ELP4: variants seen among roughly 807,000 people sequenced by gnomAD.
ELP4 encodes the protein elongator complex protein 4.
ELP4 carries 51 observed loss-of-function variants against 48.9 expected under a neutral mutation model. The ratio of observed to expected loss-of-function variants is 1.04; its 90% confidence interval spans 0.83 to 1.32. The LOEUF (loss-of-function observed/expected upper bound fraction) is 1.32, where lower values mean the gene tolerates loss of function less well. Among genes scored for constraint, ELP4 ranks in the 40% most tolerant of loss-of-function variants. ELP4 has a pLI of 0.00. For synonymous variants in ELP4, 210 were observed against 189.2 expected (o/e 1.11, Z -0.90); for missense variants, 519 against 514.6 (o/e 1.01, Z -0.08).
chr11:31,675,733 T>C (rs2134114142), intron 9 of ELP4, among the ~76,000 whole-genome samples: 1 of 152,330 alleles, frequency 6.6e-6, no homozygotes, highest in African/African-American at 2.4e-5. Context: ...TCTATAGTTA[T>C]ACAATCTTTT....
At chr11:31,601,310 G>A (rs1244785856) in intron 4 of ELP4, among the ~76,000 whole-genome samples, 1 of 151,876 alleles carries the variant, frequency 6.6e-6, no homozygotes, top group African/African-American at 2.4e-5. Flanking sequence ...GTTTTTTCCT[G>A]TAAGAATATA....
chr11:31,583,489 C>A (rs1159432140), intron 3 of ELP4, among the ~76,000 whole-genome samples: 1 of 152,014 alleles, frequency 6.6e-6, no homozygotes, highest in African/African-American at 2.4e-5. Context: ...GTGGTCCCAG[C>A]TACTCAGGAG....
intron 9 of ELP4, among the ~76,000 whole-genome samples, chr11:31,734,820 A>T (rs142859080): frequency 6.1e-4 from 93 of 152,328 alleles, no homozygotes; most frequent in Non-Finnish European, 1.2e-3. Context: ...TGCAATCCCT[A>T]TGGGAAGCCC....
At chr11:31,566,157 A>T (rs963329072) in intron 3 of ELP4, among the ~76,000 whole-genome samples, 1 of 152,084 alleles carries the variant, frequency 6.6e-6, no homozygotes, top group Non-Finnish European at 1.5e-5. Context: ...CAGGAGTTCG[A>T]GACCAGCCTG....
chr11:31,668,547 A>G lies in ELP4; in HGVS notation c.1143+18326A>G, dbSNP rs191435660. ...GGCTATGTTGCCCAGGCTTGACTCA[A>G]ACTCCTGGGCTCAAGCAATCCTCCT... On this transcript the variant is annotated intron_variant, in intron 9 of 9. Coordinates refer to ENST00000640961, the MANE Select transcript of ELP4 (RefSeq NM_019040.5). Among the ~76,000 whole-genome samples, 315 of 151,710 alleles carry G rather than the reference A, an allele frequency of 2.1e-3. 1 individual carries two copies. Among genetic ancestry groups the G allele is most frequent in the African/African-American group, 7.2e-3 (298 of 41,316 alleles).
chr11:31,572,286 CT>C (rs1387025763), intron 3 of ELP4, among the ~76,000 whole-genome samples: 2 of 152,138 alleles, frequency 1.3e-5, no homozygotes, highest in Admixed American at 1.3e-4. Flanking sequence ...TAACTTCCAG[CT>C]TTTTTTCTGA....
At chr11:31,654,360 TA>T (rs1423870770) in intron 9 of ELP4, 1 of 151,832 alleles carries the variant, frequency 6.6e-6, no homozygotes, top group Non-Finnish European at 1.5e-5. Flanking sequence ...AGTGTCAAAG[TA>T]AATCATGTTT....
chr11:31,557,684 C>G (rs903156241), intron 3 of ELP4, among the ~76,000 whole-genome samples: 14 of 151,920 alleles, frequency 9.2e-5, no homozygotes, highest in African/African-American at 2.7e-4. Context: ...AGTAATAACC[C>G]TTAATTGACC....
In ELP4 at chr11:31,728,202, A is replaced by G. The variant is rs1391892071; in HGVS notation, c.1144-55191A>G. ...TAATCTATTGAAGGGTTGTTACCTC[A>G]GAGGATGGAGCTAGGGAATTAAGAA... On this transcript the variant is annotated intron_variant, in intron 9 of 9. Coordinates refer to ENST00000640961, the MANE Select transcript of ELP4 (RefSeq NM_019040.5). 2.0e-5 allele frequency among the ~76,000 whole-genome samples: 3 copies of G among 152,138 alleles called. No homozygotes were observed. The East Asian group carries it at 5.8e-4, about 29-fold the overall frequency.
chr11:31,644,176 C>T (rs1467172119), intron 7 of ELP4, among the ~76,000 whole-genome samples: 1 of 151,540 alleles, frequency 6.6e-6, no homozygotes, highest in African/African-American at 2.4e-5. Context: ...TCCAGATGGG[C>T]AAGGAGGAGG....
chr11:31,656,189 A>T lies in ELP4; in HGVS notation c.1143+5968A>T, dbSNP rs17641733. 4.7e-3 allele frequency among the ~76,000 whole-genome samples: 710 copies of T among 152,156 alleles called. 5 individuals carry two copies. The highest frequency in any genetic ancestry group is 7.9e-3 in the Non-Finnish European group (539 of 67,980). On this transcript the variant is annotated intron_variant, in intron 9 of 9. Transcript: ENST00000640961. The stretch of plus-strand genomic sequence containing the variant: ...TTTCTCTGCATTCTGATTTGTTGAA[A>T]TATTGCAGTAATAGTGACATGTTTC...
intron 3 of ELP4, among the ~76,000 whole-genome samples, chr11:31,574,443 C>G (rs1957236615): frequency 6.6e-6 from 1 of 152,200 alleles, no homozygotes; most frequent in Non-Finnish European, 1.5e-5. Context: ...TAGTCGTTCT[C>G]CCAGCATAGA....
At chr11:31,579,009 A>G (rs1957336952) in intron 3 of ELP4, among the ~76,000 whole-genome samples, 1 of 152,270 alleles carries the variant, frequency 6.6e-6, no homozygotes, top group African/African-American at 2.4e-5. Context: ...GGCCACCTAC[A>G]GAATGGGAGA....
At chr11:31,627,971 C>G (rs1944782612) in intron 6 of ELP4, among the ~76,000 whole-genome samples, 1 of 151,988 alleles carries the variant, frequency 6.6e-6, no homozygotes, top group Non-Finnish European at 1.5e-5. Context: ...TTTAAATATT[C>G]TTGTAAACTT....
rs1469756241 is a variant in ELP4, at chr11:31,647,451, TAATC to T, written c.928-286_928-283del. ...CTTGTTCCTTAATACAAGTGAAAAA[TAATC>T]AATTTATGTTCTCTATCAGAACTAA... On this transcript the variant is annotated intron_variant, in intron 7 of 9. Coordinates refer to ENST00000640961, the MANE Select transcript of ELP4 (RefSeq NM_019040.5). The T allele has an allele frequency of 1.1e-4, 27 of 252,024 alleles. No homozygotes were observed. The East Asian group carries it at 2.2e-3, about 20-fold the overall frequency. The allele number at this position is 252,024 out of a possible 1,614,324, so 15.6% of individuals were successfully genotyped here.
intron 1 of ELP4, among the ~76,000 whole-genome samples, chr11:31,518,359 G>A (rs865961693): frequency 5.3e-5 from 8 of 152,080 alleles, no homozygotes; most frequent in African/African-American, 1.9e-4. Context: ...GCCCGCCTCA[G>A]CCTCCCAAAG....
intron 2 of ELP4, among the ~76,000 whole-genome samples, chr11:31,520,372 G>T (rs192277325): frequency 2.6e-5 from 4 of 152,148 alleles, no homozygotes; most frequent in African/African-American, 4.8e-5. Context: ...AATGTGAATT[G>T]ATTTTTTTGG....
At position 31,542,754 on chromosome 11, in the gene ELP4, C is replaced by T. The variant is rs538136599; in HGVS notation, c.381+2971C>T. 2.0e-5 allele frequency among the ~76,000 whole-genome samples: 3 copies of T among 152,186 alleles called. No homozygotes were observed. The East Asian group carries it at 5.8e-4, about 29-fold the overall frequency. On this transcript the variant is annotated intron_variant, in intron 3 of 9. Transcript: ENST00000640961. ...CCCAACAGAATAAAATATTCTGTGT[C>T]TGGTTTCCAGTTAAAACATAATAGA... is the stretch of plus-strand genomic sequence containing the variant.
At chr11:31,746,637 GAC>G (rs976154103) in intron 9 of ELP4, among the ~76,000 whole-genome samples, 2 of 151,974 alleles carry the variant, frequency 1.3e-5, no homozygotes, top group Admixed American at 1.3e-4. Flanking sequence ...CTATCGCAAG[GAC>G]AAAAAACCAA....
Sources: gnomAD v4.1 joint callset for allele counts (sites outside exome capture counted in the v4.1 genomes callset) on GRCh38, gnomAD v4.1.1 for gene constraint, MANE v1.5 for transcripts, NCBI Gene and HGNC (gene_info 2026-07-23, HGNC 2026-07-21) for gene names.